The following SYT1 variants were observed in gnomAD, a reference collection of about 807,000 sequenced individuals.
SYT1 encodes the protein synaptotagmin-1.
SYT1 carries 8 observed loss-of-function variants against 44.8 expected under a neutral mutation model. That is an observed-to-expected ratio of 0.18 (90% confidence interval 0.10 to 0.32). The LOEUF (loss-of-function observed/expected upper bound fraction) is 0.32. Ranked by LOEUF, SYT1 falls within the 10% of genes least tolerant of loss-of-function variation. The pLI is 1.00. For synonymous variants in SYT1, 154 were observed against 188.8 expected, an observed-to-expected ratio of 0.82 and a Z score of 1.51; for missense variants, 286 against 509.3, an observed-to-expected ratio of 0.56 and a Z score of 4.22.
Position 79,433,960 on chromosome 12 carries a change from G to T in SYT1, c.929-10113G>T, listed in dbSNP as rs149593208. 3.3e-5 allele frequency among the ~76,000 whole-genome samples: 5 copies of T among 152,226 alleles called. No individual in the cohort carries two copies. In the East Asian group the frequency reaches 9.6e-4, roughly 29 times the overall value. On this transcript the variant is annotated intron_variant, in intron 9 of 10. Coordinates refer to ENST00000261205, the MANE Select transcript of SYT1 (RefSeq NM_005639.3). Reference sequence around the variant, plus strand: ...GCCATATCCTTGTTTTCCAGCTTTTGTATATGCATCCCTACATTTTTAGTC... The same window carrying T: ...GCCATATCCTTGTTTTCCAGCTTTTTTATATGCATCCCTACATTTTTAGTC...
At chr12:79,317,546 T>C (rs1279506246) in intron 8 of SYT1, among the ~76,000 whole-genome samples, 1 of 152,066 alleles carries the variant, frequency 6.6e-6, no homozygotes, top group Non-Finnish European at 1.5e-5. Flanking sequence ...GAGCAGGACA[T>C]TGCACAGTGG....
At chr12:79,102,122 G>C (rs774192301) in intron 3 of SYT1, among the ~76,000 whole-genome samples, 2 of 151,882 alleles carry the variant, frequency 1.3e-5, no homozygotes, top group Middle Eastern at 3.2e-3. Flanking sequence ...ATATATCCCT[G>C]CTTATTGAAC....
chr12:78,947,146 G>A (rs561456058), intron 1 of SYT1, among the ~76,000 whole-genome samples: 1 of 152,236 alleles, frequency 6.6e-6, no homozygotes, highest in South Asian at 2.1e-4. Context: ...CAAAAGATTT[G>A]CAACTACTTT....
chr12:79,389,350 A>G (rs552313522), intron 9 of SYT1, among the ~76,000 whole-genome samples: 42 of 152,326 alleles, frequency 2.8e-4, no homozygotes, highest in Admixed American at 2.7e-3. Flanking sequence ...TATCCTATGT[A>G]AAAACCCTAA....
intron 10 of SYT1, 21 bp downstream of exon 10, chr12:79,444,227 G>A (rs201795531): frequency 5.5e-5 from 89 of 1,611,298 alleles, no homozygotes; most frequent in Non-Finnish European, 7.2e-5. Flanking sequence ...ACATAACTTT[G>A]TCTTCCCACT....
intron 9 of SYT1, among the ~76,000 whole-genome samples, chr12:79,419,782 G>A (rs1868990170): frequency 6.6e-6 from 1 of 151,936 alleles, no homozygotes; most frequent in Non-Finnish European, 1.5e-5. Context: ...AGAGGTAACT[G>A]TTACCTTGAA....
intron 3 of SYT1, among the ~76,000 whole-genome samples, chr12:79,109,598 C>G (rs894598312): frequency 6.6e-6 from 1 of 152,136 alleles, no homozygotes; most frequent in Admixed American, 6.6e-5. Context: ...TATATGTGAA[C>G]GCACCCTGAA....
At chr12:78,956,185 T>C (rs981638446) in intron 1 of SYT1, among the ~76,000 whole-genome samples, 1 of 152,050 alleles carries the variant, frequency 6.6e-6, no homozygotes, top group Admixed American at 6.6e-5. Context: ...ACAGAATGAC[T>C]GGTATGGGGG....
chr12:79,039,151 G>A (rs921759282), intron 2 of SYT1, among the ~76,000 whole-genome samples: 1 of 151,934 alleles, frequency 6.6e-6, no homozygotes, highest in Non-Finnish European at 1.5e-5. Context: ...TCTAGCCTCT[G>A]TCGAAGCAAC....
At chr12:79,308,120 A>G (rs1880506647) in intron 8 of SYT1, among the ~76,000 whole-genome samples, 1 of 152,244 alleles carries the variant, frequency 6.6e-6, no homozygotes, top group Non-Finnish European at 1.5e-5. Context: ...GGACAGAGGC[A>G]AGAACTCGAA....
At chr12:79,126,449 C>T (rs1251914780) in intron 3 of SYT1, among the ~76,000 whole-genome samples, 1 of 152,006 alleles carries the variant, frequency 6.6e-6, no homozygotes, top group African/African-American at 2.4e-5. Flanking sequence ...TTAGTAGAGA[C>T]GGGATTTCAC....
intron 8 of SYT1, among the ~76,000 whole-genome samples, chr12:79,328,622 A>T (rs1881712651): frequency 6.6e-6 from 1 of 152,100 alleles, no homozygotes; most frequent in African/African-American, 2.4e-5. Flanking sequence ...TGAGGCGGGC[A>T]GATCACGAGG....
At chr12:79,308,148 G>C (rs917720476) in intron 8 of SYT1, among the ~76,000 whole-genome samples, 1 of 152,216 alleles carries the variant, frequency 6.6e-6, no homozygotes, top group East Asian at 1.9e-4. Flanking sequence ...TCCTTTCGCT[G>C]TAAGTCATGC....
intron 3 of SYT1, among the ~76,000 whole-genome samples, chr12:79,170,745 T>G (rs1259591586): frequency 6.6e-6 from 1 of 152,164 alleles, no homozygotes; most frequent in Non-Finnish European, 1.5e-5. Flanking sequence ...TGCAATTGCT[T>G]TTGGTATCTT....
At chr12:79,115,461 T>G (rs551920920) in intron 3 of SYT1, among the ~76,000 whole-genome samples, 1 of 152,192 alleles carries the variant, frequency 6.6e-6, no homozygotes, top group South Asian at 2.1e-4. Flanking sequence ...GAGCAATACA[T>G]AAACAACAAA....
At chr12:79,123,407 A>G (rs1868317021) in intron 3 of SYT1, among the ~76,000 whole-genome samples, 1 of 151,662 alleles carries the variant, frequency 6.6e-6, no homozygotes, top group Middle Eastern at 3.2e-3. Context: ...CAAAATAGGT[A>G]ACTATGTTAA....
chr12:79,044,766 C>CT lies in SYT1; in HGVS notation c.-83-2527dup, dbSNP rs1224480987. ...TTCCCCATCTTTGTGGTTTTATCTACTTTTGGTCTTTGATGATGGTGATGT... is the reference window on the plus strand; with the variant it reads ...TTCCCCATCTTTGTGGTTTTATCTACTTTTTGGTCTTTGATGATGGTGATGT... On this transcript the variant is annotated intron_variant, in intron 2 of 10. Coordinates refer to ENST00000261205, the MANE Select transcript of SYT1 (RefSeq NM_005639.3). 6.7e-5 allele frequency among the ~76,000 whole-genome samples: 10 copies of CT among 148,846 alleles called. No homozygotes were observed. The Admixed American group carries it at 6.7e-4, about 10-fold the overall frequency.
At chr12:79,067,797 T>C (rs1011439883) in intron 3 of SYT1, among the ~76,000 whole-genome samples, 66 of 152,180 alleles carry the variant, frequency 4.3e-4, no homozygotes, top group African/African-American at 1.5e-3. Context: ...CCCACTTCTT[T>C]ATCCTGGCAT....
Position 79,299,537 on chromosome 12 carries a change from G to T in SYT1, c.796G>T (p.Ala266Ser). The change falls in exon 8 of 11, where the codon GCT becomes TCT. Residue 266 changes from alanine (A) to serine (S), a missense_variant. By Grantham distance (99) the Ala-to-Ser change is moderately conservative (BLOSUM62 1). Coordinates refer to ENST00000261205, the MANE Select transcript of SYT1 (RefSeq NM_005639.3). ...VTEEWRDLQS[A>S]EKEEQEKLGD... The stretch of plus-strand genomic sequence containing the variant: ...TGAGGAATGGCGTGACCTGCAAAGT[G>T]CTGAGAAGGAAGAGGTAAGGGAATT... 6.2e-7 allele frequency: 1 copy of T among 1,612,628 alleles called. No homozygotes were observed. The highest frequency in any genetic ancestry group is 8.5e-7 in the Non-Finnish European group (1 of 1,179,270).
Sources: allele counts gnomAD v4.1 joint callset (sites outside exome capture counted in the v4.1 genomes callset), GRCh38; gene constraint gnomAD v4.1.1; transcripts MANE v1.5; gene names NCBI Gene and HGNC (gene_info 2026-07-23, HGNC 2026-07-21).